The following ACTG2 variants were observed in gnomAD, a reference collection of about 807,000 sequenced individuals.
The protein encoded by ACTG2 is actin, gamma-enteric smooth muscle.
In ACTG2, 16 loss-of-function variants were observed where a neutral mutation model predicts 37.6. That is an observed-to-expected ratio of 0.43 (90% CI 0.29 to 0.65). The LOEUF is 0.65. Among genes scored for constraint, ACTG2 ranks in the 30% least tolerant of loss-of-function variants. The probability of loss-of-function intolerance (pLI) is 0.18; values close to 1 mark genes in which losing one functional copy is unlikely to be tolerated. For missense variants in ACTG2, 238 were observed against 490.9 expected (o/e 0.48, Z 4.87); for synonymous variants, 181 against 179.9 (o/e 1.01, Z -0.05).
intron 1 of ACTG2, among the ~76,000 whole-genome samples, chr2:73,898,819 T>C (rs987506045): frequency 6.8e-6 from 1 of 147,080 alleles, no homozygotes; most frequent in African/African-American, 2.5e-5. Flanking sequence ...TTTTTTTTTT[T>C]TGAGATGGAG....
chr2:73,906,619 C>T (rs965205385), intron 3 of ACTG2, among the ~76,000 whole-genome samples: 1 of 151,858 alleles, frequency 6.6e-6, no homozygotes, highest in Admixed American at 6.6e-5. Flanking sequence ...TAGCTGGGAA[C>T]AGAGGTGCAC....
chr2:73,905,434 A>G (rs1175383341), intron 3 of ACTG2, among the ~76,000 whole-genome samples: 1 of 152,182 alleles, frequency 6.6e-6, no homozygotes, highest in Non-Finnish European at 1.5e-5. Context: ...TAATATGAAC[A>G]GTTAATGCAA....
intron 3 of ACTG2, among the ~76,000 whole-genome samples, chr2:73,904,775 GTGTATATA>G (rs1323773226): frequency 5.8e-4 from 11 of 19,120 alleles, no homozygotes; most frequent in African/African-American, 1.4e-3. Flanking sequence ...GTGTGTGTGT[GTGTATATA>G]TATATATATA....
intron 2 of ACTG2, among the ~76,000 whole-genome samples, chr2:73,902,142 A>G (rs1679904822): frequency 6.6e-6 from 1 of 152,030 alleles, no homozygotes; most frequent in Admixed American, 6.6e-5. Flanking sequence ...CTGAAGAGAA[A>G]GAAGAAAGGC....
intron 8 of ACTG2, among the ~76,000 whole-genome samples, chr2:73,918,479 T>C (rs1286898283): frequency 1.3e-5 from 2 of 152,148 alleles, no homozygotes; most frequent in Non-Finnish European, 2.9e-5. Context: ...AATTCCATGA[T>C]CTCTGTGATT....
chr2:73,915,297 A>T (rs1680238718), intron 7 of ACTG2, among the ~76,000 whole-genome samples: 1 of 151,984 alleles, frequency 6.6e-6, no homozygotes, highest in African/African-American at 2.4e-5. Flanking sequence ...AGGCAGGCAG[A>T]TCACTTGAGC....
intron 6 of ACTG2, among the ~76,000 whole-genome samples, chr2:73,913,977 G>A (rs1413366564): frequency 1.3e-5 from 2 of 152,154 alleles, no homozygotes; most frequent in African/African-American, 4.8e-5. Flanking sequence ...AGTGAGGCCC[G>A]AATTTCTAAG....
At chr2:73,897,914 A>C (rs948641981) in intron 1 of ACTG2, among the ~76,000 whole-genome samples, 10 of 152,254 alleles carry the variant, frequency 6.6e-5, no homozygotes, top group Non-Finnish European at 7.3e-5. Context: ...TAGTCCATTC[A>C]AGAGGGCAGA....
At position 73,901,356 on chromosome 2, in the gene ACTG2, T is replaced by C. The variant is rs755461337; in HGVS notation, c.45T>C (p.Ser15=). 6.8e-6 allele frequency: 11 copies of C among 1,613,974 alleles called. No homozygotes were observed. Among genetic ancestry groups the C allele is most frequent in the Non-Finnish European group, 9.3e-6 (11 of 1,179,976 alleles). The change falls in exon 2 of 9, where the codon TCT becomes TCC. Residue 15 remains serine (S), a synonymous_variant. Transcript: ENST00000345517. ...CCGCGCTCGTGTGTGACAATGGCTC[T>C]GGCCTGTGCAAGGCAGGCTTCGCAG... ...ETTALVCDNG[S]GLCKAGFAGD... is the part of the protein sequence containing the mutation.
chr2:73,919,277 A>T (rs1482759422), intron 8 of ACTG2, among the ~76,000 whole-genome samples, 155 bp from the exon 9 acceptor site: 7 of 152,344 alleles, frequency 4.6e-5, no homozygotes, highest in South Asian at 2.1e-4. Flanking sequence ...AGAGGGGGGA[A>T]GTGAAGGTTT....
rs748784376 is a variant in ACTG2 at position 73,919,518 on chromosome 2, C to T, written c.1074C>T (p.Ile358=). 2 of 1,614,230 alleles carry T rather than the reference C, an allele frequency of 1.2e-6. No individual in the cohort carries two copies. The highest frequency in any genetic ancestry group is 3.3e-5 in the Admixed American group (2 of 60,026). The part of the protein sequence containing the change: ...ASLSTFQQMW[I]SKPEYDEAGP... ...TCTCCACCTTCCAGCAGATGTGGAT[C>T]AGCAAGCCTGAGTATGATGAGGCAG... Residue 358 remains isoleucine (I), a synonymous_variant, in exon 9 of 9, where the codon ATC becomes ATT. Coordinates refer to ENST00000345517, the MANE Select transcript of ACTG2 (RefSeq NM_001615.4).
At chr2:73,899,168 A>G (rs1679823287) in intron 1 of ACTG2, among the ~76,000 whole-genome samples, 4 of 152,070 alleles carry the variant, frequency 2.6e-5, no homozygotes, top group Admixed American at 2.6e-4. Context: ...TATTCATTTC[A>G]TTAAATTTAA....
chr2:73,903,610 A>G (rs1464006731), intron 3 of ACTG2, among the ~76,000 whole-genome samples: 1 of 152,234 alleles, frequency 6.6e-6, no homozygotes, highest in Non-Finnish European at 1.5e-5. Flanking sequence ...TCAATAAGTG[A>G]CACATATGAT....
chr2:73,902,665 C>T, intron 3 of ACTG2, 177 bp downstream of exon 3: 1 of 1,552,020 alleles, frequency 6.4e-7, no homozygotes, highest in Non-Finnish European at 8.7e-7. Flanking sequence ...AACATCTCTC[C>T]CTGGACTATT....
intron 5 of ACTG2, among the ~76,000 whole-genome samples, chr2:73,912,884 G>A (rs990257973): frequency 1.3e-5 from 2 of 152,086 alleles, no homozygotes; most frequent in African/African-American, 4.8e-5. Context: ...TAAGAAATAT[G>A]AGGCTGGACG....
chr2:73,896,361 A>AAG (rs1679749015), intron 1 of ACTG2, among the ~76,000 whole-genome samples: 1 of 152,038 alleles, frequency 6.6e-6, no homozygotes, highest in African/African-American at 2.4e-5. Context: ...AAAAAAAAAA[A>AAG]AAAAGAAAAA....
chr2:73,895,600 C>T (rs1679729653), intron 1 of ACTG2, among the ~76,000 whole-genome samples: 1 of 152,214 alleles, frequency 6.6e-6, no homozygotes, highest in African/African-American at 2.4e-5. Flanking sequence ...GAAATCTCAT[C>T]ATCGCAGAGG....
chr2:73,910,495 AC>A (rs1430223563), intron 5 of ACTG2, among the ~76,000 whole-genome samples: 3 of 91,684 alleles, frequency 3.3e-5, no homozygotes, highest in Non-Finnish European at 6.5e-5. Context: ...GCCTCCCATG[AC>A]TTTTTTTTTT....
rs538392430 is a variant in ACTG2 at position 73,913,287 on chromosome 2, G to A, written c.452-198G>A. ...GGACACATTTTACTTGCCCTCCAGA[G>A]GCCTACAGTCTCACTGGGGGGAAAA... is the stretch of plus-strand genomic sequence containing the variant. On this transcript the variant is annotated intron_variant, in intron 5 of 8. Coordinates refer to ENST00000345517, the MANE Select transcript of ACTG2 (RefSeq NM_001615.4). Among the ~76,000 whole-genome samples the A allele has an allele frequency of 2.7e-4, 41 of 152,092 alleles. No individual in the cohort carries two copies. In the South Asian group the frequency reaches 4.6e-3, roughly 17 times the overall value.
Sources: gnomAD v4.1 joint callset for allele counts (sites outside exome capture counted in the v4.1 genomes callset) on GRCh38, gnomAD v4.1.1 for gene constraint, MANE v1.5 for transcripts, NCBI Gene and HGNC (gene_info 2026-07-23, HGNC 2026-07-21) for gene names.